The following DNAH9 variants were observed in gnomAD, a reference collection of about 807,000 sequenced individuals.
The protein encoded by DNAH9 is DNAH9 variant protein.
In DNAH9, 345 loss-of-function variants were observed where a neutral mutation model predicts 471.6. The ratio of observed to expected loss-of-function variants is 0.73; its 90% confidence interval spans 0.67 to 0.80. The LOEUF is 0.80. Ranked by LOEUF, DNAH9 falls within the 30% of genes least tolerant of loss-of-function variation. The pLI is 0.00. For missense variants in DNAH9, 5,407 were observed against 5,609.2 expected (o/e 0.96, Z 1.15); for synonymous variants, 2,093 against 2,123.6 (o/e 0.99, Z 0.40).
At chr17:11,947,781 T>A (rs887579065) in intron 67 of DNAH9, among the ~76,000 whole-genome samples, 27 of 140,316 alleles carry the variant, frequency 1.9e-4, no homozygotes, top group African/African-American at 6.9e-4. Flanking sequence ...TATTTTTTTT[T>A]TTTTTTTTTT....
At chr17:11,902,576 G>C in intron 59 of DNAH9, 143 bp from the exon 60 acceptor site, 1 of 801,502 alleles carries the variant, frequency 1.2e-6, no homozygotes, top group East Asian at 2.5e-5. Flanking sequence ...GATTTTTCCT[G>C]GGGGATGATC....
At chr17:11,768,762 G>A in intron 37 of DNAH9, 136 bp downstream of exon 37, 3 of 1,081,876 alleles carry the variant, frequency 2.8e-6, no homozygotes, top group South Asian at 1.6e-5. Context: ...CCATGACTTT[G>A]CAGAGGAGAT....
At chr17:11,753,560 A>C (rs1417137654) in intron 33 of DNAH9, among the ~76,000 whole-genome samples, 1 of 152,132 alleles carries the variant, frequency 6.6e-6, no homozygotes, top group East Asian at 1.9e-4. Flanking sequence ...CCAGCTATTC[A>C]GGAGGCTGAG....
At chr17:11,731,765 T>C (rs1410918557) in intron 28 of DNAH9, among the ~76,000 whole-genome samples, 1 of 152,166 alleles carries the variant, frequency 6.6e-6, no homozygotes, top group Non-Finnish European at 1.5e-5. Flanking sequence ...TTCCATGGTG[T>C]ATATGTGCCA....
At chr17:11,869,353 G>C (rs1237633443) in intron 51 of DNAH9, 100 bp downstream of exon 51, 2 of 1,459,960 alleles carry the variant, frequency 1.4e-6, no homozygotes, top group East Asian at 2.3e-5. Context: ...GCAGCGCTTT[G>C]ACTTGGAGGG....
intron 57 of DNAH9, among the ~76,000 whole-genome samples, chr17:11,889,156 T>C (rs762257194): frequency 1.3e-5 from 2 of 152,226 alleles, no homozygotes; most frequent in Non-Finnish European, 1.5e-5. Context: ...CTCCTGCAGA[T>C]TGATGGGAGG....
chr17:11,720,556 GT>G (rs1445741606), intron 27 of DNAH9, among the ~76,000 whole-genome samples: 2 of 152,146 alleles, frequency 1.3e-5, no homozygotes, highest in Non-Finnish European at 2.9e-5. Flanking sequence ...GTGAAAAAAA[GT>G]TGCATTAAAT....
intron 67 of DNAH9, among the ~76,000 whole-genome samples, chr17:11,946,677 A>G (rs1975137688): frequency 6.7e-6 from 1 of 150,218 alleles, no homozygotes; most frequent in South Asian, 2.1e-4. Context: ...AAAAAAAAAA[A>G]AAAGAAAAAG....
intron 6 of DNAH9, 121 bp downstream of exon 6, chr17:11,619,902 A>G: frequency 1.6e-6 from 1 of 639,972 alleles, no homozygotes; most frequent in South Asian, 1.9e-5. Flanking sequence ...ATCAGCTGGA[A>G]TAATCCATAA....
intron 67 of DNAH9, among the ~76,000 whole-genome samples, chr17:11,958,731 TAA>T (rs5819345): frequency 6.9e-5 from 10 of 145,250 alleles, no homozygotes; most frequent in South Asian, 2.2e-4. Context: ...AAAACTGCCC[TAA>T]AAAAAAAAAA....
chr17:11,710,056 A>G (rs2074802977), intron 26 of DNAH9, among the ~76,000 whole-genome samples: 1 of 152,060 alleles, frequency 6.6e-6, no homozygotes, highest in South Asian at 2.1e-4. Flanking sequence ...AATAAAAGTC[A>G]CCCATAGATA....
chr17:11,643,914 T>A (rs1406581124), intron 10 of DNAH9, among the ~76,000 whole-genome samples: 3 of 152,126 alleles, frequency 2.0e-5, no homozygotes, highest in Non-Finnish European at 4.4e-5. Context: ...ATAGAAAAAG[T>A]ACAGCAAAAA....
At chr17:11,819,554 A>G (rs1970236939) in intron 45 of DNAH9, among the ~76,000 whole-genome samples, 1 of 149,940 alleles carries the variant, frequency 6.7e-6, no homozygotes, top group South Asian at 2.1e-4. Context: ...AATAGCTGAG[A>G]CTACAGGTGC....
rs1208889792 is a variant in DNAH9 at position 11,660,319 on chromosome 17, CTTTTTTTTTTTTT to C, written c.2596-4505_2596-4493del. Among the ~76,000 whole-genome samples the C allele has an allele frequency of 6.1e-3, 594 of 97,516 alleles. 6 individuals are homozygous for C. Among genetic ancestry groups the C allele is most frequent in the African/African-American group, 0.021 (561 of 26,334 alleles). The allele number at this position is 97,516 out of a possible 152,430, so 64.0% of individuals were successfully genotyped here. On this transcript the variant is annotated intron_variant, in intron 14 of 68. Coordinates refer to ENST00000262442, the MANE Select transcript of DNAH9 (RefSeq NM_001372.4). ...CATTGTTATTCAGTTTTAAATGTTT[CTTTTTTTTTTTTT>C]TTTTTTTTGAGACAGAGTCTTGCTC...
intron 32 of DNAH9, among the ~76,000 whole-genome samples, chr17:11,748,326 CAAAT>C (rs1007443484): frequency 3.9e-5 from 6 of 152,126 alleles, no homozygotes; most frequent in South Asian, 2.1e-4. Flanking sequence ...GACTCCATCT[CAAAT>C]AAATAAATAA....
chr17:11,953,367 C>A (rs948100571), intron 67 of DNAH9, among the ~76,000 whole-genome samples: 1 of 152,168 alleles, frequency 6.6e-6, no homozygotes, highest in Non-Finnish European at 1.5e-5. Context: ...ACATCAGTGG[C>A]TTTACCTTGC....
At chr17:11,686,764 G>A (rs1567718025) in intron 19 of DNAH9, among the ~76,000 whole-genome samples, 1 of 152,192 alleles carries the variant, frequency 6.6e-6, no homozygotes, top group African/African-American at 2.4e-5. Flanking sequence ...GCCAAAGGAA[G>A]AATGGTTAGC....
intron 42 of DNAH9, among the ~76,000 whole-genome samples, chr17:11,794,368 AT>A (rs1463921011): frequency 6.6e-6 from 1 of 152,168 alleles, no homozygotes; most frequent in African/African-American, 2.4e-5. Context: ...GGCCTGAGCA[AT>A]TTTGAAACTT....
chr17:11,698,949 T>C (rs1310571060), intron 22 of DNAH9, among the ~76,000 whole-genome samples: 2 of 151,692 alleles, frequency 1.3e-5, no homozygotes, highest in Non-Finnish European at 2.9e-5. Flanking sequence ...CTGAAGAGGT[T>C]TCAAGAATGG....
Sources: allele counts gnomAD v4.1 joint callset (sites outside exome capture counted in the v4.1 genomes callset), GRCh38; gene constraint gnomAD v4.1.1; transcripts MANE v1.5; gene names NCBI Gene and HGNC (gene_info 2026-07-23, HGNC 2026-07-21).